TPRG1: variants seen among roughly 807,000 people sequenced by gnomAD.
The protein encoded by TPRG1 is tumor protein p63-regulated gene 1 protein.
Under a neutral mutation model 29.3 loss-of-function variants are expected in TPRG1, and 29 were observed. That is an observed-to-expected ratio of 0.99 (90% CI 0.74 to 1.35). TPRG1 has a LOEUF of 1.35. Ranked by LOEUF, TPRG1 falls within the 40% of genes most tolerant of loss-of-function variation. The pLI is 0.00. For synonymous variants in TPRG1, 130 were observed against 116.8 expected (o/e 1.11, Z -0.73); for missense variants, 327 against 335.0 (o/e 0.98, Z 0.19).
At chr3:189,170,165 A>G (rs1432539416), upstream of TPRG1, among the ~76,000 whole-genome samples, 1 of 151,904 alleles carries the variant, frequency 6.6e-6, no homozygotes. Flanking sequence ...TTGTGCCCCC[A>G]CCCTGAGCTG....
intron 3 of TPRG1, chr3:189,219,669 A>G (rs1736645508): frequency 7.8e-7 from 1 of 1,283,378 alleles, no homozygotes; most frequent in Admixed American, 2.4e-5. Flanking sequence ...AGCAGAATGT[A>G]CTTGAGGTGT....
intron 1 of TPRG1, among the ~76,000 whole-genome samples, chr3:189,206,500 CTTT>C (rs11336790): frequency 9.9e-5 from 13 of 131,172 alleles, no homozygotes; most frequent in Admixed American, 3.1e-4. Flanking sequence ...GATGAACAAA[CTTT>C]TTTTTTTTTT....
At chr3:189,197,471 ACTTTTCTGTCC>A (rs1432909093) in intron 1 of TPRG1, among the ~76,000 whole-genome samples, 1 of 152,128 alleles carries the variant, frequency 6.6e-6, no homozygotes, top group Non-Finnish European at 1.5e-5. Flanking sequence ...GAATTCCACC[ACTTTTCTGTCC>A]CTTTTCTGTC....
At chr3:189,288,876 A>T (rs1718519277) in intron 4 of TPRG1, among the ~76,000 whole-genome samples, 1 of 152,262 alleles carries the variant, frequency 6.6e-6, no homozygotes, top group South Asian at 2.1e-4. Flanking sequence ...TCAGCATAAG[A>T]TGGTCTTGCA....
chr3:189,020,105 A>G (rs1713210979), intron 3 of TPRG1, among the ~76,000 whole-genome samples: 1 of 151,838 alleles, frequency 6.6e-6, no homozygotes, highest in African/African-American at 2.4e-5. Flanking sequence ...TATTGCGTCT[A>G]TTTGATTCTT....
chr3:189,159,579 C>T (rs551982480), intron 5 of TPRG1, among the ~76,000 whole-genome samples: 6 of 152,160 alleles, frequency 3.9e-5, no homozygotes, highest in South Asian at 2.1e-4. Flanking sequence ...AATATTTGCT[C>T]GTGCTGATGA....
intron 1 of TPRG1, among the ~76,000 whole-genome samples, chr3:189,112,615 C>T (rs1408834356): frequency 3.3e-5 from 5 of 152,140 alleles, no homozygotes; most frequent in South Asian, 2.1e-4. Flanking sequence ...TTTCCCAGCA[C>T]CATTTATTAA....
chr3:189,110,561 A>G (rs1021555364), intron 1 of TPRG1, among the ~76,000 whole-genome samples: 2 of 152,056 alleles, frequency 1.3e-5, no homozygotes, highest in Non-Finnish European at 2.9e-5. Flanking sequence ...AAATATGTAA[A>G]AAAAAATTTG....
chr3:189,109,043 G>A (rs7619804), intron 1 of TPRG1, among the ~76,000 whole-genome samples: 54,764 of 151,582 alleles, frequency 0.36, 11,821 homozygotes, highest in African/African-American at 0.58. Context: ...AGAGAGTTTT[G>A]CGGAGAAGGT....
intron 4 of TPRG1, among the ~76,000 whole-genome samples, chr3:189,064,545 T>C (rs1018313137): frequency 6.6e-6 from 1 of 152,074 alleles, no homozygotes; most frequent in African/African-American, 2.4e-5. Context: ...CAGAAATTAA[T>C]AAGATTTAAA....
intron 3 of TPRG1, among the ~76,000 whole-genome samples, chr3:189,235,616 T>C (rs1016324813): frequency 1.3e-5 from 2 of 152,132 alleles, no homozygotes; most frequent in African/African-American, 2.4e-5. Flanking sequence ...AGAAGTTTGC[T>C]AGAAGGAAAA....
At chr3:189,188,398 T>G (rs1731234272) in intron 1 of TPRG1, among the ~76,000 whole-genome samples, 1 of 152,168 alleles carries the variant, frequency 6.6e-6, no homozygotes, top group African/African-American at 2.4e-5. Flanking sequence ...AGACCAGCAT[T>G]TTTGAGCCTG....
chr3:189,208,909 G>C (rs1464763524), intron 2 of TPRG1, among the ~76,000 whole-genome samples: 1 of 152,202 alleles, frequency 6.6e-6, no homozygotes, highest in Admixed American at 6.5e-5. Flanking sequence ...ACTATGGAAA[G>C]TTGTTTTCTC....
upstream of TPRG1, among the ~76,000 whole-genome samples, chr3:189,168,314 A>G (rs1213610016): frequency 6.6e-6 from 1 of 152,226 alleles, no homozygotes; most frequent in African/African-American, 2.4e-5. Flanking sequence ...TAGAGAGAGA[A>G]AAAAAGATGC....
At chr3:189,235,277 G>A (rs893288478) in intron 3 of TPRG1, among the ~76,000 whole-genome samples, 2 of 148,326 alleles carry the variant, frequency 1.3e-5, no homozygotes, top group Admixed American at 1.4e-4. Context: ...GGATTGGAAG[G>A]CAGCAAGAGT....
At position 189,093,956 on chromosome 3, in the gene TPRG1, G is replaced by A. The variant is rs368943902; in HGVS notation, c.-462-33101G>A. Among the ~76,000 whole-genome samples the A allele has an allele frequency of 2.0e-5, 3 of 152,276 alleles. No individual in the cohort carries two copies. The East Asian group carries it at 5.8e-4, about 29-fold the overall frequency. On this transcript the variant is annotated intron_variant, in intron 4 of 10. Coordinates refer to the TPRG1 transcript ENST00000433971. ...CAACAGAAAAGGGATGGTCAAAGCA[G>A]CCCTCGGGACATCAGCCTGGTTTGA... is the stretch of plus-strand genomic sequence containing the variant.
intron 1 of TPRG1, among the ~76,000 whole-genome samples, chr3:189,113,627 G>C (rs1250135498): frequency 1.3e-5 from 2 of 152,028 alleles, no homozygotes; most frequent in Non-Finnish European, 1.5e-5. Flanking sequence ...TGCATCTATT[G>C]AGATAATCAT....
intron 3 of TPRG1, among the ~76,000 whole-genome samples, chr3:189,229,256 G>C (rs892797994): frequency 2.6e-5 from 4 of 151,892 alleles, no homozygotes; most frequent in Non-Finnish European, 5.9e-5. Context: ...ATTTTTGTAG[G>C]TATAGACACA....
chr3:189,265,779 G>C (rs919980589), intron 4 of TPRG1, among the ~76,000 whole-genome samples: 4 of 152,156 alleles, frequency 2.6e-5, no homozygotes, highest in Non-Finnish European at 5.9e-5. Context: ...CTGTGGATCT[G>C]AGGACCAAAA....
Sources: gnomAD v4.1 joint callset for allele counts (sites outside exome capture counted in the v4.1 genomes callset) on GRCh38, gnomAD v4.1.1 for gene constraint, MANE v1.5 for transcripts, NCBI Gene and HGNC (gene_info 2026-07-23, HGNC 2026-07-21) for gene names.